SUSD3: variants seen among roughly 807,000 people sequenced by gnomAD.
SUSD3 encodes sushi domain containing 3.
A neutral mutation model predicts 20.6 loss-of-function variants in SUSD3; 18 were observed. The observed-to-expected ratio is 0.87, with a 90% CI of 0.60 to 1.30. The LOEUF (loss-of-function observed/expected upper bound fraction) is 1.30. Ranked by LOEUF, SUSD3 falls within the 50% of genes most tolerant of loss-of-function variation. SUSD3 has a pLI of 0.00. For synonymous variants in SUSD3, 137 were observed against 141.5 expected (o/e 0.97, Z 0.23); for missense variants, 306 against 346.9 (o/e 0.88, Z 0.94).
intron 4 of SUSD3, among the ~76,000 whole-genome samples, chr9:93,081,807 G>A (rs1826426651): frequency 6.6e-6 from 1 of 152,292 alleles, no homozygotes; most frequent in South Asian, 2.1e-4. Flanking sequence ...AGGCCTCCAG[G>A]CTATCATTCC....
intron 1 of SUSD3, among the ~76,000 whole-genome samples, chr9:93,072,564 G>A (rs1043883560): frequency 6.6e-6 from 1 of 152,194 alleles, no homozygotes; most frequent in African/African-American, 2.4e-5. Flanking sequence ...GGGGCAAGGG[G>A]TGGTGTGACC....
intron 1 of SUSD3, among the ~76,000 whole-genome samples, chr9:93,070,743 G>GCCTGGGCC (rs1174616675): frequency 6.6e-6 from 1 of 152,202 alleles, no homozygotes; most frequent in Non-Finnish European, 1.5e-5. Context: ...AGGCTCCCTT[G>GCCTGGGCC]CCTGGGCCCC....
chr9:93,081,394 C>T (rs577204913), intron 4 of SUSD3, among the ~76,000 whole-genome samples: 1 of 152,298 alleles, frequency 6.6e-6, no homozygotes. Flanking sequence ...CCCTCATGGC[C>T]TCACTGTATG....
intron 1 of SUSD3, chr9:93,069,170 ACT>A (rs892854419): frequency 1.4e-6 from 1 of 702,040 alleles, no homozygotes; most frequent in South Asian, 1.5e-5. Context: ...ACTGTGAGCC[ACT>A]CTGAGTGTTG....
intron 1 of SUSD3, among the ~76,000 whole-genome samples, chr9:93,059,654 C>T (rs1385205966): frequency 1.3e-5 from 2 of 152,136 alleles, no homozygotes; most frequent in Admixed American, 6.5e-5. Context: ...GCGTCTCAGG[C>T]GTTGCGGGGC....
At chr9:93,081,728 A>G (rs536376807) in intron 4 of SUSD3, among the ~76,000 whole-genome samples, 2 of 152,232 alleles carry the variant, frequency 1.3e-5, no homozygotes, top group East Asian at 3.9e-4. Context: ...ATCAACAAGG[A>G]TGTAGCCGAA....
chr9:93,061,736 G>A (rs1825513145), intron 1 of SUSD3, among the ~76,000 whole-genome samples: 1 of 152,226 alleles, frequency 6.6e-6, no homozygotes, highest in Admixed American at 6.5e-5. Flanking sequence ...ACCTCTGTGT[G>A]CAAAAGTCAC....
intron 1 of SUSD3, among the ~76,000 whole-genome samples, chr9:93,072,006 A>G (rs886112403): frequency 2.6e-5 from 4 of 152,054 alleles, no homozygotes. Flanking sequence ...TGGGCATGCC[A>G]TTGAGCTTTG....
At chr9:93,060,536 A>G (rs889173312) in intron 1 of SUSD3, among the ~76,000 whole-genome samples, 1 of 152,198 alleles carries the variant, frequency 6.6e-6, no homozygotes, top group South Asian at 2.1e-4. Flanking sequence ...AGGATTTGAC[A>G]CTAAAACACC....
chr9:93,075,720 C>T, intron 1 of SUSD3, 64 bp from the exon 2 acceptor site: 1 of 705,194 alleles, frequency 1.4e-6, no homozygotes, highest in East Asian at 3.5e-5. Context: ...GGGTCCTGCC[C>T]AGCCCTGCCC....
chr9:93,059,431 T>G (rs1217922754), intron 1 of SUSD3, among the ~76,000 whole-genome samples: 1 of 152,182 alleles, frequency 6.6e-6, no homozygotes, highest in Non-Finnish European at 1.5e-5. Context: ...GCTTTTTATT[T>G]TACTTTTAAG....
rs1825386693 is a variant in SUSD3, at chr9:93,058,864, C to T, written c.88+34C>T. On this transcript the variant is annotated intron_variant, in intron 1 of 4. Coordinates refer to ENST00000375472, the MANE Select transcript of SUSD3 (RefSeq NM_145006.4). ...TGGGGCCGAGTGGCCGCGTGCGGGG[C>T]TCTGCGCCCATTTCACAGACGGGAA... The T allele has an allele frequency of 3.3e-6, 4 of 1,206,184 alleles. No homozygotes were observed. The African/African-American group carries it at 6.3e-5, about 19-fold the overall frequency. The allele number at this position is 1,206,184 out of a possible 1,614,324, so 74.7% of individuals were successfully genotyped here. A position where few individuals can be genotyped will look rare whatever the true frequency, so the allele number is the denominator to read the frequency against.
At chr9:93,062,279 G>A (rs1433359249) in intron 1 of SUSD3, among the ~76,000 whole-genome samples, 1 of 152,226 alleles carries the variant, frequency 6.6e-6, no homozygotes, top group Non-Finnish European at 1.5e-5. Flanking sequence ...GCCGTGGGAG[G>A]GCCAGGCAGG....
intron 4 of SUSD3, among the ~76,000 whole-genome samples, chr9:93,082,208 T>C (rs1216986813): frequency 1.3e-5 from 2 of 152,202 alleles, no homozygotes; most frequent in East Asian, 3.8e-4. Flanking sequence ...GCATGAGTCA[T>C]TTTCTGTTTT....
chr9:93,065,735 G>C (rs1349830769), intron 1 of SUSD3, among the ~76,000 whole-genome samples: 1 of 152,238 alleles, frequency 6.6e-6, no homozygotes, highest in East Asian at 1.9e-4. Context: ...CTGGCCCTTG[G>C]GGAGTGCTGA....
chr9:93,062,018 C>G (rs544438290), intron 1 of SUSD3, among the ~76,000 whole-genome samples: 1 of 152,218 alleles, frequency 6.6e-6, no homozygotes. Context: ...GACCTGAGGT[C>G]CAAGGTTCCA....
intron 2 of SUSD3, among the ~76,000 whole-genome samples, chr9:93,076,863 A>G (rs7870953): frequency 0.29 from 44,786 of 152,200 alleles, 9,098 homozygotes; most frequent in African/African-American, 0.58. Flanking sequence ...ATGATTCAAG[A>G]TGGCAGCAGC....
At chr9:93,074,322 C>G (rs958813090) in intron 1 of SUSD3, among the ~76,000 whole-genome samples, 1 of 147,744 alleles carries the variant, frequency 6.8e-6, no homozygotes, top group Non-Finnish European at 1.5e-5. Context: ...CCCAGCTACT[C>G]GGGAGGGTGA....
chr9:93,083,526 G>T (rs564892260), intron 4 of SUSD3, among the ~76,000 whole-genome samples: 1 of 152,296 alleles, frequency 6.6e-6, no homozygotes, highest in East Asian at 1.9e-4. Context: ...AATGTGCCAG[G>T]CACTGTTCTG....
Sources: allele counts gnomAD v4.1 joint callset (sites outside exome capture counted in the v4.1 genomes callset), GRCh38; gene constraint gnomAD v4.1.1; transcripts MANE v1.5; gene names NCBI Gene and HGNC (gene_info 2026-07-23, HGNC 2026-07-21).